Variants in CXorf38 observed in about 807,000 individuals in gnomAD.
The protein encoded by CXorf38 is uncharacterized protein CXorf38.
A neutral mutation model predicts 27.5 loss-of-function variants in CXorf38; 13 were observed. The ratio of observed to expected loss-of-function variants is 0.47; its 90% CI spans 0.31 to 0.75. The LOEUF is 0.75. CXorf38 is among the 30% of genes least tolerant of loss of function. The probability of loss-of-function intolerance (pLI) is 0.05; values close to 1 mark genes in which losing one functional copy is unlikely to be tolerated. For synonymous variants in CXorf38, 100 were observed against 99.8 expected, an observed-to-expected ratio of 1.00 and a Z score of -0.01; for missense variants, 240 against 253.2, an observed-to-expected ratio of 0.95 and a Z score of 0.35.
At chrX:40,641,058 C>CA (rs954435740) in intron 2 of CXorf38, among the ~76,000 whole-genome samples, 43 of 104,413 alleles carry the variant, frequency 4.1e-4, no homozygotes, top group African/African-American at 1.5e-3. Context: ...CTGAAAAATA[C>CA]AAAAAAAAAT....
rs757117441 is a variant in CXorf38, at chrX:40,636,724, CCA to C, written c.622-14_622-13del. The C allele has an allele frequency of 3.4e-6, 4 of 1,179,613 alleles. No homozygotes were observed. In the South Asian group the frequency reaches 7.5e-5, roughly 22 times the overall value. On this transcript the variant is annotated splice_polypyrimidine_tract_variant and intron_variant, in intron 4 of 6. Coordinates refer to ENST00000327877, the MANE Select transcript of CXorf38 (RefSeq NM_144970.3). ...TCAGACGTCAACAGCTGAGGGATTG[CCA>C]CACAAATATATGAACTGATTTCATG...
chrX:40,645,533 T>C (rs1046378743), intron 2 of CXorf38, among the ~76,000 whole-genome samples: 2 of 111,183 alleles, frequency 1.8e-5, no homozygotes, highest in African/African-American at 6.6e-5. Flanking sequence ...AGCAACTCTA[T>C]GGCTGCAGTG....
In CXorf38 at chrX:40,639,044, C is replaced by T. The variant is rs771360730; in HGVS notation, c.436G>A (p.Asp146Asn). The change falls in exon 3 of 7, where the codon GAT becomes AAT. Residue 146 changes from aspartate (D) to asparagine (N), a missense_variant. By Grantham distance (23) the Asp-to-Asn change is conservative. Coordinates refer to ENST00000327877, the MANE Select transcript of CXorf38 (RefSeq NM_144970.3). Reference sequence around the variant, plus strand: ...TTCTTTCGATCAACCACGAAGTGATCGCAGGAGTTGATGAGACTTAAAAGA... The same window carrying T: ...TTCTTTCGATCAACCACGAAGTGATTGCAGGAGTTGATGAGACTTAAAAGA... ...VALLSLINSC[D>N]HFVVDRKKVT... 1 of 1,210,989 alleles carries T rather than the reference C, an allele frequency of 8.3e-7. No individual in the cohort carries two copies. Among genetic ancestry groups the T allele is most frequent in the South Asian group, 1.8e-5 (1 of 56,961 alleles).
intron 5 of CXorf38, among the ~76,000 whole-genome samples, chrX:40,632,794 T>C (rs2146568794): frequency 8.9e-6 from 1 of 111,794 alleles, no homozygotes; most frequent in East Asian, 2.8e-4. Flanking sequence ...AGCTTACTTT[T>C]AGGTATACAA....
In CXorf38 at chrX:40,647,449, G is replaced by A; in HGVS notation, c.72C>T (p.Cys24=). ...EYKNWVKAGH[C]LLLLRSCLQG... ...GCAGGCAGCTGCGCAGCAGTAACAG[G>A]CAGTGGCCCGCCTTCACCCAGTTCT... is the stretch of plus-strand genomic sequence containing the variant. The change falls in exon 1 of 7, where the codon TGC becomes TGT. Residue 24 remains cysteine, a synonymous_variant. Transcript: ENST00000327877. 1 of 1,196,074 alleles carries A rather than the reference G, an allele frequency of 8.4e-7. No individual in the cohort carries two copies. The highest frequency in any genetic ancestry group is 1.8e-5 in the South Asian group (1 of 55,579).
Position 40,647,085 on chromosome X carries a change from A to G in CXorf38, c.273T>C (p.His91=), listed in dbSNP as rs1389689708. The G allele has an allele frequency of 3.3e-6, 4 of 1,211,918 alleles. No homozygotes were observed. The highest frequency in any genetic ancestry group is 2.2e-6 in the Non-Finnish European group (2 of 895,342). ...AEWKREILRH[H]VNRNGDVHWG... is the part of the protein sequence containing the mutation. ...AGTGCACATCTCCATTTCTGTTGAC[A>G]TGATGTCTCAAAATCTCCCTTTTCC... Residue 91 remains histidine, a synonymous_variant, in exon 2 of 7, where the codon CAT becomes CAC. Coordinates refer to ENST00000327877, the MANE Select transcript of CXorf38 (RefSeq NM_144970.3).
Position 40,631,231 on chromosome X carries a change from ATATGTG to A in CXorf38, c.802-464_802-459del, listed in dbSNP as rs757281603. Among the ~76,000 whole-genome samples the A allele has an allele frequency of 5.5e-3, 502 of 90,455 alleles. 9 individuals are homozygous for A. In the East Asian group the frequency reaches 0.076, roughly 14 times the overall value. The allele number at this position is 90,455 out of a possible 115,157, so 78.5% of individuals were successfully genotyped here. ...TACATATATATATACATGTGTATATATATGTGTGTATGTATATATATATACACACAC... is the reference window on the plus strand; with the variant it reads ...TACATATATATATACATGTGTATATATGTATGTATATATATATACACACAC... On this transcript the variant is annotated intron_variant, in intron 5 of 6. Coordinates refer to ENST00000327877, the MANE Select transcript of CXorf38 (RefSeq NM_144970.3).
chrX:40,626,964 T>C lies in CXorf38; in HGVS notation c.*3200A>G, dbSNP rs778763775. On this transcript the variant is annotated 3_prime_UTR_variant, in exon 7 of 7. Transcript: ENST00000327877. ...TTTTATTATTTTGAAATACAAAAAT[T>C]TAAAAACATTTCAAAATACACCAGT... is the stretch of plus-strand genomic sequence containing the variant. 1 of 112,032 alleles carries C rather than the reference T, an allele frequency of 8.9e-6. No individual in the cohort carries two copies. Among genetic ancestry groups the C allele is most frequent in the Admixed American group, 9.5e-5 (1 of 10,571 alleles). The allele number at this position is 112,032 out of a possible 1,213,427, so 9.2% of individuals were successfully genotyped here. A position where few individuals can be genotyped will look rare whatever the true frequency, so the allele number is the denominator to read the frequency against.
intron 2 of CXorf38, among the ~76,000 whole-genome samples, chrX:40,642,529 C>A (rs1050603470): frequency 4.5e-5 from 5 of 111,555 alleles, no homozygotes; most frequent in Non-Finnish European, 9.4e-5. Context: ...GGGAGGAAAG[C>A]CAAGAGGGTT....
chrX:40,646,584 C>T, intron 2 of CXorf38, among the ~76,000 whole-genome samples: 1 of 111,222 alleles, frequency 9.0e-6, no homozygotes, highest in Non-Finnish European at 1.9e-5. Context: ...GCTATTTTAG[C>T]CCTAACTTCC....
chrX:40,633,678 G>C (rs914801799), intron 5 of CXorf38, among the ~76,000 whole-genome samples: 3 of 111,969 alleles, frequency 2.7e-5, no homozygotes, highest in Admixed American at 1.9e-4. Context: ...CAATGGCCTT[G>C]AGTACACACT....
intron 2 of CXorf38, among the ~76,000 whole-genome samples, chrX:40,643,803 C>A (rs1427859789): frequency 8.9e-6 from 1 of 111,979 alleles, no homozygotes; most frequent in Non-Finnish European, 1.9e-5. Flanking sequence ...AGCCACCGTG[C>A]CCCGCCTGGA....
At chrX:40,639,262 A>G (rs1326502290) in intron 2 of CXorf38, 134 bp from the exon 3 acceptor site, 5 of 664,254 alleles carry the variant, frequency 7.5e-6, no homozygotes, top group African/African-American at 4.4e-5. Context: ...TTAAAGCCTC[A>G]TGAGCCCAAA....
In CXorf38 at chrX:40,636,520, A is replaced by G. The variant is rs779410383; in HGVS notation, c.801+13T>C. On this transcript the variant is annotated intron_variant, in intron 5 of 6. Transcript: ENST00000327877. ...TGTTAACTCACACAGAGCCTATAACACTTTTCTTTTACCTCTTCAGGCAAC... is the reference window on the plus strand; with the variant it reads ...TGTTAACTCACACAGAGCCTATAACGCTTTTCTTTTACCTCTTCAGGCAAC... 1 of 1,165,233 alleles carries G rather than the reference A, an allele frequency of 8.6e-7. No individual in the cohort carries two copies. Among genetic ancestry groups the G allele is most frequent in the Admixed American group, 2.2e-5 (1 of 44,726 alleles).
Position 40,640,191 on chromosome X carries a change from A to G in CXorf38, c.352-1063T>C, listed in dbSNP as rs1373780369. ...TATTAAAAAAAAAAATTAGCCATGC[A>G]TTGTGGTGTGTGCTATAGTCCCAGG... On this transcript the variant is annotated intron_variant, in intron 2 of 6. Transcript: ENST00000327877. 7 of 317,458 alleles carry G rather than the reference A, an allele frequency of 2.2e-5. No homozygotes were observed. The Admixed American group carries it at 2.4e-4, about 11-fold the overall frequency. 26.2% of individuals were successfully genotyped at this position (317,458 alleles called of 1,213,427 possible). A position where few individuals can be genotyped will look rare whatever the true frequency, so the allele number is the denominator to read the frequency against.
intron 2 of CXorf38, chrX:40,639,733 G>A (rs974817473): frequency 3.4e-5 from 4 of 118,179 alleles, no homozygotes; most frequent in Admixed American, 2.6e-4. Flanking sequence ...TGCTAGGCAC[G>A]TGCTAGTAAC....
At position 40,636,514 on chromosome X, in the gene CXorf38, T is replaced by C; in HGVS notation, c.801+19A>G. 8.8e-7 allele frequency: 1 copy of C among 1,140,779 alleles called. No individual in the cohort carries two copies. The allele number at this position is 1,140,779 out of a possible 1,213,427, so 94.0% of individuals were successfully genotyped here. On this transcript the variant is annotated intron_variant, in intron 5 of 6. Coordinates refer to ENST00000327877, the MANE Select transcript of CXorf38 (RefSeq NM_144970.3). ...TTGTGTTGTTAACTCACACAGAGCC[T>C]ATAACACTTTTCTTTTACCTCTTCA...
intron 2 of CXorf38, among the ~76,000 whole-genome samples, chrX:40,643,515 C>G (rs1928436615): frequency 9.4e-6 from 1 of 106,066 alleles, no homozygotes; most frequent in African/African-American, 3.4e-5. Context: ...TCTTTCTTTT[C>G]TTTTTTTTTT....
chrX:40,637,168 C>T lies in CXorf38; in HGVS notation c.472-12G>A. ...CGACATTTAATTACCTGCAGAAAGA[C>T]AAAAAGATAAAAGGCTTCAAAATCA... On this transcript the variant is annotated splice_polypyrimidine_tract_variant and intron_variant, in intron 3 of 6. Transcript: ENST00000327877. 1 of 1,121,111 alleles carries T rather than the reference C, an allele frequency of 8.9e-7. No individual in the cohort carries two copies. Among genetic ancestry groups the T allele is most frequent in the East Asian group, 3.2e-5 (1 of 31,482 alleles). 92.4% of individuals were successfully genotyped at this position (1,121,111 alleles called of 1,213,427 possible). A position where few individuals can be genotyped will look rare whatever the true frequency, so the allele number is the denominator to read the frequency against.
Sources: allele counts gnomAD v4.1 joint callset (sites outside exome capture counted in the v4.1 genomes callset), GRCh38; gene constraint gnomAD v4.1.1; transcripts MANE v1.5; gene names NCBI Gene and HGNC (gene_info 2026-07-23, HGNC 2026-07-21).